TRAPPC9: variants seen among roughly 807,000 people sequenced by gnomAD.
TRAPPC9 encodes IKK2 binding protein.
Under a neutral mutation model 124.0 loss-of-function variants are expected in TRAPPC9, and 83 were observed. The ratio of observed to expected loss-of-function variants is 0.67; its 90% CI spans 0.56 to 0.80. The LOEUF (loss-of-function observed/expected upper bound fraction) is 0.80. Among genes scored for constraint, TRAPPC9 ranks in the 30% least tolerant of loss-of-function variants. The pLI is 0.00. For synonymous variants in TRAPPC9, 638 were observed against 617.5 expected (o/e 1.03, Z -0.49); for missense variants, 1,302 against 1,508.3 (o/e 0.86, Z 2.27).
chr8:140,135,208 T>C (rs1212621530), intron 17 of TRAPPC9, among the ~76,000 whole-genome samples: 2 of 152,184 alleles, frequency 1.3e-5, no homozygotes, highest in Non-Finnish European at 2.9e-5. Flanking sequence ...CCTTGTGCAT[T>C]GCTAGTGGGA....
At chr8:140,121,204 A>G (rs1285244773) in intron 17 of TRAPPC9, among the ~76,000 whole-genome samples, 1 of 152,248 alleles carries the variant, frequency 6.6e-6, no homozygotes, top group African/African-American at 2.4e-5. Flanking sequence ...GGGAAATTTA[A>G]GTGAGGAAGG....
At chr8:140,146,670 A>T in intron 17 of TRAPPC9, among the ~76,000 whole-genome samples, 1 of 152,114 alleles carries the variant, frequency 6.6e-6, no homozygotes, top group Admixed American at 6.6e-5. Context: ...TAAAACTGTG[A>T]CCTCCACCTT....
intron 16 of TRAPPC9, among the ~76,000 whole-genome samples, chr8:140,237,801 CGGTGACAATGTG>C (rs1185493235): frequency 2.0e-5 from 3 of 152,020 alleles, no homozygotes; most frequent in Non-Finnish European, 4.4e-5. Flanking sequence ...AACATGACTG[CGGTGACAATGTG>C]GAAGATAGTG....
Position 140,261,085 on chromosome 8 carries a change from A to G in TRAPPC9, c.2279-8156T>C, listed in dbSNP as rs145203215. ...CCCAAGACGCCCTGTCAGTACATGG[A>G]GACCATGTTAGAGGTGATGTGGAGA... On this transcript the variant is annotated intron_variant, in intron 15 of 22. Transcript: ENST00000438773. Among the ~76,000 whole-genome samples the G allele has an allele frequency of 2.9e-3, 439 of 152,342 alleles. 1 individual carries two copies. Among genetic ancestry groups the G allele is most frequent in the African/African-American group, 9.7e-3 (405 of 41,574 alleles).
At chr8:140,392,373 G>A (rs971645699) in intron 7 of TRAPPC9, among the ~76,000 whole-genome samples, 2 of 152,178 alleles carry the variant, frequency 1.3e-5, no homozygotes, top group African/African-American at 4.8e-5. Flanking sequence ...CATCTTTTTT[G>A]TGTGCCAACA....
intron 5 of TRAPPC9, among the ~76,000 whole-genome samples, chr8:140,424,618 C>T (rs1422437585): frequency 1.4e-5 from 2 of 141,652 alleles, no homozygotes; most frequent in Admixed American, 7.5e-5. Flanking sequence ...CCAGCCTTGG[C>T]GGCAGAGTGA....
intron 9 of TRAPPC9, among the ~76,000 whole-genome samples, chr8:140,349,714 C>T (rs2067488574): frequency 6.6e-6 from 1 of 152,168 alleles, no homozygotes; most frequent in African/African-American, 2.4e-5. Flanking sequence ...TCCAATGAGA[C>T]ACCAGGCCTG....
At chr8:140,338,234 C>T (rs554433691) in intron 9 of TRAPPC9, among the ~76,000 whole-genome samples, 7 of 152,260 alleles carry the variant, frequency 4.6e-5, no homozygotes, top group South Asian at 2.1e-4. Context: ...TCTGTCCCCA[C>T]GCCATACGTA....
At chr8:140,027,063 A>G (rs1273824964) in intron 17 of TRAPPC9, among the ~76,000 whole-genome samples, 2 of 152,098 alleles carry the variant, frequency 1.3e-5, no homozygotes, top group Non-Finnish European at 2.9e-5. Flanking sequence ...CACACTCAAT[A>G]AGTCTTTCTG....
chr8:140,027,155 T>C (rs971153195), intron 17 of TRAPPC9, among the ~76,000 whole-genome samples: 1 of 152,232 alleles, frequency 6.6e-6, no homozygotes, highest in Non-Finnish European at 1.5e-5. Flanking sequence ...CTGGGTATCT[T>C]CTGAGTGCAG....
chr8:140,419,030 A>G (rs1564010993), intron 5 of TRAPPC9, among the ~76,000 whole-genome samples: 1 of 152,118 alleles, frequency 6.6e-6, no homozygotes, highest in Non-Finnish European at 1.5e-5. Context: ...GCGGTGGCTC[A>G]CGCCTGTAAT....
At position 140,111,965 on chromosome 8, in the gene TRAPPC9, C is replaced by T. The variant is rs566206657; in HGVS notation, c.2557-87886G>A. Among the ~76,000 whole-genome samples, 9 of 152,372 alleles carry T rather than the reference C, an allele frequency of 5.9e-5. No homozygotes were observed. In the South Asian group the frequency reaches 1.4e-3, roughly 25 times the overall value. On this transcript the variant is annotated intron_variant, in intron 17 of 22. Transcript: ENST00000438773. ...CTCCTGCAGGAGGCTCAGGCGCAGG[C>T]GCCATGGCAGGACTTGGTGGTATGT...
At chr8:140,199,641 TA>T (rs2062745497) in intron 17 of TRAPPC9, among the ~76,000 whole-genome samples, 1 of 150,990 alleles carries the variant, frequency 6.6e-6, no homozygotes, top group South Asian at 2.1e-4. Context: ...CTCAACTCAA[TA>T]AATCACTAAG....
intron 17 of TRAPPC9, among the ~76,000 whole-genome samples, chr8:140,107,207 G>A (rs757601038): frequency 2.0e-5 from 3 of 152,108 alleles, no homozygotes; most frequent in Non-Finnish European, 4.4e-5. Flanking sequence ...TCAAGTCCTG[G>A]TTCAATTCAA....
intron 17 of TRAPPC9, among the ~76,000 whole-genome samples, chr8:140,129,972 G>C: frequency 6.6e-6 from 1 of 152,196 alleles, no homozygotes; most frequent in Non-Finnish European, 1.5e-5. Flanking sequence ...GGAGGAATCA[G>C]GGCCCCTGGA....
intron 17 of TRAPPC9, among the ~76,000 whole-genome samples, chr8:140,146,642 G>A (rs1183977652): frequency 6.6e-6 from 1 of 152,010 alleles, no homozygotes; most frequent in Non-Finnish European, 1.5e-5. Context: ...TAATTAATTT[G>A]AATTTTAAAT....
At chr8:140,288,763 C>A (rs1191439226) in intron 12 of TRAPPC9, among the ~76,000 whole-genome samples, 1 of 152,182 alleles carries the variant, frequency 6.6e-6, no homozygotes, top group Non-Finnish European at 1.5e-5. Context: ...ATATCATTAA[C>A]AAGCGATCAA....
chr8:139,798,664 G>A lies in TRAPPC9; in HGVS notation c.3056-66462C>T, dbSNP rs955503607. On this transcript the variant is annotated intron_variant, in intron 21 of 22. Transcript: ENST00000438773. ...AGCGTAAATACGGTCCCCTGGGGAA[G>A]AGCTGGTATGCCAGTGGTTCTCTTC... is the stretch of plus-strand genomic sequence containing the variant. Among the ~76,000 whole-genome samples, 5 of 152,212 alleles carry A rather than the reference G, an allele frequency of 3.3e-5. No individual in the cohort carries two copies. The East Asian group carries it at 5.8e-4, about 18-fold the overall frequency.
intron 20 of TRAPPC9, among the ~76,000 whole-genome samples, chr8:139,888,397 T>C (rs1830142971): frequency 6.6e-6 from 1 of 152,224 alleles, no homozygotes; most frequent in Non-Finnish European, 1.5e-5. Flanking sequence ...ATGCTAGCAG[T>C]GCTAACTTCA....
Sources: allele counts gnomAD v4.1 joint callset (sites outside exome capture counted in the v4.1 genomes callset), GRCh38; gene constraint gnomAD v4.1.1; transcripts MANE v1.5; gene names NCBI Gene and HGNC (gene_info 2026-07-23, HGNC 2026-07-21).